The following SLC7A9 variants were observed in gnomAD, a reference collection of about 807,000 sequenced individuals.
The protein encoded by SLC7A9 is B(0,+)-type amino acid transporter 1.
Under a neutral mutation model 54.1 loss-of-function variants are expected in SLC7A9, and 38 were observed. The observed-to-expected ratio is 0.70, with a 90% CI of 0.54 to 0.92. SLC7A9 has a LOEUF of 0.92. SLC7A9 is among the 40% of genes least tolerant of loss of function. SLC7A9 has a pLI of 0.00. For synonymous variants in SLC7A9, 264 were observed against 258.9 expected (o/e 1.02, Z -0.19); for missense variants, 537 against 636.1 (o/e 0.84, Z 1.68).
At chr19:32,847,206 GAGA>G (rs1221647633) in intron 9 of SLC7A9, among the ~76,000 whole-genome samples, 4 of 152,198 alleles carry the variant, frequency 2.6e-5, no homozygotes, top group Non-Finnish European at 5.9e-5. Flanking sequence ...GACGAGTTGA[GAGA>G]AGAAGGCTTC....
At chr19:32,842,516 G>C (rs1193635231) in intron 10 of SLC7A9, among the ~76,000 whole-genome samples, 199 bp from the exon 11 acceptor site, 1 of 152,180 alleles carries the variant, frequency 6.6e-6, no homozygotes, top group Non-Finnish European at 1.5e-5. Context: ...AAAGACCTGG[G>C]AAATTTCTGA....
intron 12 of SLC7A9, chr19:32,832,796 C>CATCAT: frequency 6.6e-6 from 2 of 304,500 alleles, no homozygotes; most frequent in Non-Finnish European, 1.3e-5. Context: ...GTGGTCCCAG[C>CATCAT]TACTTGGGAG....
intron 11 of SLC7A9, among the ~76,000 whole-genome samples, chr19:32,833,986 A>T (rs1967883148): frequency 6.6e-6 from 1 of 152,106 alleles, no homozygotes; most frequent in Non-Finnish European, 1.5e-5. Flanking sequence ...TTCATACAGG[A>T]AAGGCAGGAT....
chr19:32,837,981 C>T (rs1009084631), intron 11 of SLC7A9, among the ~76,000 whole-genome samples: 5 of 152,084 alleles, frequency 3.3e-5, no homozygotes, highest in Admixed American at 3.3e-4. Context: ...TACAAGAAAA[C>T]ATCAACCAGG....
chr19:32,860,418 C>G lies in SLC7A9; in HGVS notation c.749+188G>C, dbSNP rs1968764233. The G allele has an allele frequency of 2.9e-6, 4 of 1,380,892 alleles. No homozygotes were observed. In the South Asian group the frequency reaches 6.0e-5, roughly 21 times the overall value. The allele number at this position is 1,380,892 out of a possible 1,614,324, so 85.5% of individuals were successfully genotyped here. A position where few individuals can be genotyped will look rare whatever the true frequency, so the allele number is the denominator to read the frequency against. On this transcript the variant is annotated intron_variant, in intron 7 of 12. Transcript: ENST00000023064. ...CTAAAAAAATACAAAAATGAGTGAG[C>G]TGAGATTGCACCACTGCACTCCAGC...
At chr19:32,837,177 C>T (rs1967982695) in intron 11 of SLC7A9, among the ~76,000 whole-genome samples, 1 of 152,064 alleles carries the variant, frequency 6.6e-6, no homozygotes, top group African/African-American at 2.4e-5. Context: ...GCCTGTGTCC[C>T]TTCTTTTAAA....
chr19:32,850,973 G>A (rs1279495028), intron 9 of SLC7A9, among the ~76,000 whole-genome samples: 2 of 152,188 alleles, frequency 1.3e-5, no homozygotes, highest in Non-Finnish European at 2.9e-5. Context: ...CTAGCCATAT[G>A]TAGAAAGCTG....
At chr19:32,850,165 T>C (rs1323360510) in intron 9 of SLC7A9, among the ~76,000 whole-genome samples, 1 of 149,102 alleles carries the variant, frequency 6.7e-6, no homozygotes, top group Non-Finnish European at 1.5e-5. Context: ...CAACATAGTG[T>C]TGGAAGTTCT....
At position 32,846,702 on chromosome 19, in the gene SLC7A9, G is replaced by C. The variant is rs139383500; in HGVS notation, c.978-2751C>G. Among the ~76,000 whole-genome samples, 1,291 of 152,342 alleles carry C rather than the reference G, an allele frequency of 8.5e-3. 10 individuals carry two copies. The highest frequency in any genetic ancestry group is 0.014 in the Middle Eastern group (4 of 294). ...TCCCAGCACACAGCTGGAGATCTGAGAATGGGCAGACTGCCTCCTCAAATG... is the reference window on the plus strand; with the variant it reads ...TCCCAGCACACAGCTGGAGATCTGACAATGGGCAGACTGCCTCCTCAAATG... On this transcript the variant is annotated intron_variant, in intron 9 of 12. Coordinates refer to ENST00000023064, the MANE Select transcript of SLC7A9 (RefSeq NM_014270.5).
In SLC7A9 at chr19:32,862,675, T is replaced by A. The variant is rs374944350; in HGVS notation, c.479-89A>T. On this transcript the variant is annotated intron_variant, in intron 4 of 12. Transcript: ENST00000023064. ...TTCTTTTATATATTTTTTATTTTTT[T>A]TTTTTTTTGAGATGGAGTCTCACTC... 1,716 of 1,257,998 alleles carry A rather than the reference T, an allele frequency of 1.4e-3. 9 individuals are homozygous for A. The highest frequency in any genetic ancestry group is 0.013 in the African/African-American group (830 of 63,714). The allele number at this position is 1,257,998 out of a possible 1,614,324, so 77.9% of individuals were successfully genotyped here.
At chr19:32,836,251 G>A (rs1179361035) in intron 11 of SLC7A9, among the ~76,000 whole-genome samples, 2 of 151,910 alleles carry the variant, frequency 1.3e-5, no homozygotes, top group Non-Finnish European at 2.9e-5. Context: ...GTTTCACCAT[G>A]TTTGCCAGGC....
In SLC7A9 at chr19:32,838,666, T is replaced by TTAG. The variant is rs568258110; in HGVS notation, c.1224+3499_1224+3501dup. 1.4e-3 allele frequency among the ~76,000 whole-genome samples: 203 copies of TTAG among 147,724 alleles called. 4 individuals are homozygous for TTAG. The highest frequency in any genetic ancestry group is 5.4e-3 in the Admixed American group (79 of 14,590). On this transcript the variant is annotated intron_variant, in intron 11 of 12. Coordinates refer to ENST00000023064, the MANE Select transcript of SLC7A9 (RefSeq NM_014270.5). ...TATCTTATATCCTTATATAATACCCTTAGTCCCCTTTTAAAGATATTATAT... is the reference window on the plus strand; with the variant it reads ...TATCTTATATCCTTATATAATACCCTTAGTAGTCCCCTTTTAAAGATATTATAT...
intron 4 of SLC7A9, among the ~76,000 whole-genome samples, chr19:32,863,725 G>A (rs1054430498): frequency 1.3e-5 from 2 of 152,178 alleles, no homozygotes; most frequent in African/African-American, 4.8e-5. Flanking sequence ...ATCCAAACAT[G>A]GGAGTTTAAG....
At chr19:32,862,676 T>TA (rs960111564) in intron 4 of SLC7A9, 90 bp from the exon 5 acceptor site, 26 of 1,257,116 alleles carry the variant, frequency 2.1e-5, no homozygotes, top group South Asian at 1.4e-4. Flanking sequence ...TTATTTTTTT[T>TA]TTTTTTTGAG....
chr19:32,838,716 ATGTATT>A (rs1161325765), intron 11 of SLC7A9, among the ~76,000 whole-genome samples: 2 of 148,172 alleles, frequency 1.3e-5, no homozygotes, highest in African/African-American at 4.9e-5. Context: ...TTATATGTAT[ATGTATT>A]TGTATGTATA....
chr19:32,862,503 C>A lies in SLC7A9; in HGVS notation c.562G>T (p.Val188Leu). Residue 188 changes from valine to leucine, a missense_variant, in exon 5 of 13, where the codon GTG (valine) becomes TTG (leucine). Transcript: ENST00000023064. Reference sequence around the variant, plus strand: ...AGCCCGCTGATGATGATGATGGCCACGATCACCAGCTTGGCCGCGGTGAAG... The same window carrying A: ...AGCCCGCTGATGATGATGATGGCCAAGATCACCAGCTTGGCCGCGGTGAAG... ...NIFTAAKLVIVAIIIISGLVL... is the reference protein window; with the variant it reads ...NIFTAAKLVILAIIIISGLVL... 6.2e-7 allele frequency: 1 copy of A among 1,613,540 alleles called. No homozygotes were observed. The highest frequency in any genetic ancestry group is 1.1e-5 in the South Asian group (1 of 91,048).
intron 11 of SLC7A9, among the ~76,000 whole-genome samples, chr19:32,837,736 T>C (rs1968005841): frequency 6.6e-6 from 1 of 152,084 alleles, no homozygotes; most frequent in African/African-American, 2.4e-5. Flanking sequence ...TACACGTGGC[T>C]TTCAGTACGC....
rs1248370720 is a variant in SLC7A9, at chr19:32,862,584, A to G, written c.481T>C (p.Phe161Leu). 2 of 1,613,916 alleles carry G rather than the reference A, an allele frequency of 1.2e-6. No individual in the cohort carries two copies. The highest frequency in any genetic ancestry group is 3.3e-5 in the Admixed American group (2 of 60,016). ...CTCAGTGAGTTCACTGTCGAGATGA[A>G]CACTGGAAGGGTGGGGACAGTTTCT... is the stretch of plus-strand genomic sequence containing the variant. ...VKCLAAAAILFISTVNSLSVR... is the reference protein window; with the variant it reads ...VKCLAAAAILLISTVNSLSVR... The change falls in exon 5 of 13, where the codon TTC becomes CTC. Residue 161 changes from phenylalanine (F) to leucine (L), a missense_variant and splice_region_variant. Phe to Leu is a conservative substitution (Grantham distance 22). Transcript: ENST00000023064.
rs749278890 is a variant in SLC7A9, at chr19:32,842,316, C to A, written c.1076G>T (p.Gly359Val). 8.7e-5 allele frequency: 141 copies of A among 1,612,974 alleles called. No individual in the cohort carries two copies. Among genetic ancestry groups the A allele is most frequent in the Non-Finnish European group, 1.2e-4 (141 of 1,179,234 alleles). The change falls in exon 11 of 13, where the codon GGT (glycine) becomes GTT (valine). Residue 359 changes from glycine to valine, a missense_variant and splice_region_variant. By Grantham distance (109) the Gly-to-Val change is moderately radical (BLOSUM62 -3). Coordinates refer to ENST00000023064, the MANE Select transcript of SLC7A9 (RefSeq NM_014270.5). ...GATGATATAAATCGTTGCTATGATACCCTAATAGAAAGAAGAATGGATTTG... is the reference window on the plus strand; with the variant it reads ...GATGATATAAATCGTTGCTATGATAACCTAATAGAAAGAAGAATGGATTTG... Reference protein sequence around the residue: ...LTPAPAIIFYGIIATIYIIPG... With the variant: ...LTPAPAIIFYVIIATIYIIPG...
Sources: allele counts gnomAD v4.1 joint callset (sites outside exome capture counted in the v4.1 genomes callset), GRCh38; gene constraint gnomAD v4.1.1; transcripts MANE v1.5; gene names NCBI Gene and HGNC (gene_info 2026-07-23, HGNC 2026-07-21).